Variants in GLIS3 observed in about 807,000 individuals in gnomAD.
GLIS3 encodes zinc finger protein GLIS3.
A neutral mutation model predicts 78.6 loss-of-function variants in GLIS3; 53 were observed. That is an observed-to-expected ratio of 0.67 (90% CI 0.54 to 0.85). The LOEUF (loss-of-function observed/expected upper bound fraction) is 0.85. Ranked by LOEUF, GLIS3 falls within the 40% of genes least tolerant of loss-of-function variation. The pLI, the probability that GLIS3 is intolerant of heterozygous loss-of-function variation, is 0.00. For missense variants in GLIS3, 1,703 were observed against 1,231.1 expected, an observed-to-expected ratio of 1.38 and a Z score of -5.74; for synonymous variants, 684 against 509.9, an observed-to-expected ratio of 1.34 and a Z score of -4.60.
At chr9:3,872,813 A>G (rs1484602237) in intron 8 of GLIS3, among the ~76,000 whole-genome samples, 1 of 152,246 alleles carries the variant, frequency 6.6e-6, no homozygotes, top group Non-Finnish European at 1.5e-5. Context: ...ATAAATGCTT[A>G]TATCAAAAAA....
intron 2 of GLIS3, among the ~76,000 whole-genome samples, chr9:4,168,453 G>A (rs1162626145): frequency 5.9e-5 from 9 of 152,076 alleles, no homozygotes; most frequent in African/African-American, 1.7e-4. Flanking sequence ...GCAAAGAAAT[G>A]TTCCCACAAC....
At chr9:4,351,396 C>A (rs1439209794), upstream of GLIS3, among the ~76,000 whole-genome samples, 16 of 113,412 alleles carry the variant, frequency 1.4e-4, no homozygotes, top group African/African-American at 4.2e-4. Context: ...CAGAGTGTCT[C>A]AAAAAAAAAA....
At chr9:4,337,558 A>G (rs1435240982) in intron 2 of GLIS3, among the ~76,000 whole-genome samples, 1 of 152,198 alleles carries the variant, frequency 6.6e-6, no homozygotes, top group Non-Finnish European at 1.5e-5. Context: ...TCAAAAAAAT[A>G]TATCTAACAA....
the GLIS3 span, among the ~76,000 whole-genome samples, chr9:4,408,584 G>T: frequency 5.8e-4 from 87 of 150,382 alleles, no homozygotes; most frequent in Non-Finnish European, 9.5e-4. Context: ...AAAATTAGCC[G>T]GGCGCGGTGG....
chr9:4,348,180 G>C (rs1817918457), intron 1 of GLIS3: 1 of 152,216 alleles, frequency 6.6e-6, no homozygotes, highest in African/African-American at 2.4e-5. Flanking sequence ...AATTAGGTTT[G>C]TCTGCATGTA....
At chr9:3,831,742 A>T (rs984537291) in intron 9 of GLIS3, among the ~76,000 whole-genome samples, 3 of 152,218 alleles carry the variant, frequency 2.0e-5, no homozygotes, top group African/African-American at 7.2e-5. Context: ...GAGAATGTCT[A>T]AGCAAACAGT....
chr9:4,200,324 A>G (rs1226425076), intron 2 of GLIS3, among the ~76,000 whole-genome samples: 1 of 152,156 alleles, frequency 6.6e-6, no homozygotes, highest in African/African-American at 2.4e-5. Context: ...CTGAAAAAAA[A>G]AATTGAGACC....
At chr9:4,401,054 G>C in the GLIS3 span, among the ~76,000 whole-genome samples, 1 of 152,120 alleles carries the variant, frequency 6.6e-6, no homozygotes, top group Admixed American at 6.5e-5. Context: ...AGAGGACTTT[G>C]TCTTGCACCT....
intron 2 of GLIS3, among the ~76,000 whole-genome samples, chr9:4,170,729 C>T (rs538209562): frequency 3.3e-5 from 5 of 152,238 alleles, no homozygotes; most frequent in East Asian, 1.9e-4. Flanking sequence ...ATCCATACAC[C>T]ATCTGACTTT....
the GLIS3 span, among the ~76,000 whole-genome samples, chr9:4,368,295 A>T: frequency 6.6e-6 from 1 of 151,972 alleles, no homozygotes; most frequent in Admixed American, 6.5e-5. Flanking sequence ...ATCACGAGGC[A>T]GAGAAATGAA....
intron 6 of GLIS3, among the ~76,000 whole-genome samples, chr9:3,920,309 G>C (rs1203089035): frequency 6.6e-6 from 1 of 152,146 alleles, no homozygotes; most frequent in Non-Finnish European, 1.5e-5. Flanking sequence ...GGCCATTACT[G>C]ACTGTTTTAA....
chr9:4,357,240 T>A, the GLIS3 span, among the ~76,000 whole-genome samples: 1 of 152,152 alleles, frequency 6.6e-6, no homozygotes, highest in African/African-American at 2.4e-5. Flanking sequence ...TCTGTGAAGG[T>A]GTTTCTGGAT....
chr9:4,328,090 T>C (rs892821394), intron 2 of GLIS3, among the ~76,000 whole-genome samples: 4 of 152,210 alleles, frequency 2.6e-5, no homozygotes, highest in Non-Finnish European at 5.9e-5. Context: ...ACATATGGTC[T>C]TCTGGTCACG....
At chr9:4,488,067 T>C in the GLIS3 span, among the ~76,000 whole-genome samples, 6 of 151,672 alleles carry the variant, frequency 4.0e-5, no homozygotes, top group Admixed American at 2.0e-4. Context: ...ATATTTCTTC[T>C]GGTCTTTTTT....
chr9:4,034,236 A>G, intron 4 of GLIS3, among the ~76,000 whole-genome samples: 1 of 152,130 alleles, frequency 6.6e-6, no homozygotes, highest in African/African-American at 2.4e-5. Context: ...AAAAGTCGTA[A>G]CAGATCCCCA....
chr9:4,112,453 T>G (rs1831298116), intron 4 of GLIS3, among the ~76,000 whole-genome samples: 3 of 152,334 alleles, frequency 2.0e-5, no homozygotes, highest in African/African-American at 7.2e-5. Flanking sequence ...GCACTAATGT[T>G]AGAACTGGAA....
At chr9:4,069,398 G>A (rs892684049) in intron 4 of GLIS3, among the ~76,000 whole-genome samples, 1 of 152,172 alleles carries the variant, frequency 6.6e-6, no homozygotes, top group African/African-American at 2.4e-5. Context: ...ATCTCCAGGA[G>A]AGAGCAAGAT....
intron 4 of GLIS3, among the ~76,000 whole-genome samples, chr9:3,989,762 AG>A (rs1820071027): frequency 6.6e-6 from 1 of 152,222 alleles, no homozygotes. Flanking sequence ...TATTTATTAA[AG>A]GGAAATAGGA....
At chr9:4,243,757 G>A (rs972066546) in intron 2 of GLIS3, among the ~76,000 whole-genome samples, 2 of 152,230 alleles carry the variant, frequency 1.3e-5, no homozygotes, top group East Asian at 3.9e-4. Context: ...GAATGGATTA[G>A]GTGTAATCCA....
Sources: gnomAD v4.1 joint callset for allele counts (sites outside exome capture counted in the v4.1 genomes callset) on GRCh38, gnomAD v4.1.1 for gene constraint, MANE v1.5 for transcripts, NCBI Gene and HGNC (gene_info 2026-07-23, HGNC 2026-07-21) for gene names.